SNTG1: variants seen among roughly 807,000 people sequenced by gnomAD.
SNTG1 encodes syntrophin gamma 1, also known as gamma-1-syntrophin.
SNTG1 carries 39 observed loss-of-function variants against 74.7 expected under a neutral mutation model. The observed-to-expected ratio is 0.52, with a 90% CI of 0.40 to 0.68. SNTG1 has a LOEUF of 0.68. Among genes scored for constraint, SNTG1 ranks in the 30% least tolerant of loss-of-function variants. The pLI is 0.00. For synonymous variants in SNTG1, 254 were observed against 217.1 expected (o/e 1.17, Z -1.49); for missense variants, 685 against 609.5 (o/e 1.12, Z -1.30).
intron 5 of SNTG1, among the ~76,000 whole-genome samples, chr8:50,439,595 A>G (rs1459851437): frequency 6.6e-6 from 1 of 152,088 alleles, no homozygotes; most frequent in Non-Finnish European, 1.5e-5. Context: ...TCAGTTTATC[A>G]AAGTGAAACT....
intron 2 of SNTG1, among the ~76,000 whole-genome samples, chr8:50,243,470 T>A (rs1030904252): frequency 2.4e-4 from 36 of 152,172 alleles, no homozygotes; most frequent in African/African-American, 8.7e-4. Flanking sequence ...ATCTTAGAAA[T>A]AAAAACTCTC....
chr8:50,779,303 A>G (rs1395528344), intron 18 of SNTG1, among the ~76,000 whole-genome samples: 1 of 152,124 alleles, frequency 6.6e-6, no homozygotes, highest in East Asian at 1.9e-4. Context: ...CAGTATGGTC[A>G]TTTTCACGAT....
intron 1 of SNTG1, among the ~76,000 whole-genome samples, chr8:49,991,518 A>C (rs1813689019): frequency 6.6e-6 from 1 of 152,232 alleles, no homozygotes; most frequent in Non-Finnish European, 1.5e-5. Context: ...CCAGAGGGTG[A>C]AAATAACCTA....
chr8:50,611,338 C>T (rs749238494), intron 13 of SNTG1, among the ~76,000 whole-genome samples: 2 of 152,068 alleles, frequency 1.3e-5, no homozygotes, highest in Non-Finnish European at 1.5e-5. Context: ...GACATTTCTT[C>T]GTGAGCTGCA....
intron 1 of SNTG1, among the ~76,000 whole-genome samples, chr8:49,932,152 A>G (rs920224706): frequency 6.6e-6 from 1 of 152,172 alleles, no homozygotes; most frequent in African/African-American, 2.4e-5. Flanking sequence ...ACAGATCACT[A>G]AAACAGGTCA....
At position 50,515,773 on chromosome 8, in the gene SNTG1, G is replaced by A. The variant is rs555848656; in HGVS notation, c.466+12893G>A. Among the ~76,000 whole-genome samples, 5 of 152,078 alleles carry A rather than the reference G, an allele frequency of 3.3e-5. No homozygotes were observed. The South Asian group carries it at 1.0e-3, about 32-fold the overall frequency. ...TCTAGATTCCTCCTCTTTGAGCAGG[G>A]CATCTCTGAAAGAAAGGCAGCAGCC... On this transcript the variant is annotated intron_variant, in intron 9 of 18. Transcript: ENST00000642720.
intron 13 of SNTG1, among the ~76,000 whole-genome samples, chr8:50,612,642 C>T (rs759723984): frequency 4.6e-5 from 7 of 152,204 alleles, no homozygotes; most frequent in Non-Finnish European, 8.8e-5. Flanking sequence ...ATGCCTATGA[C>T]GTTAAAAAGT....
intron 2 of SNTG1, among the ~76,000 whole-genome samples, chr8:50,213,397 T>A (rs4873428): frequency 6.6e-6 from 1 of 152,010 alleles, no homozygotes; most frequent in Admixed American, 6.6e-5. Context: ...GTAGGCTATG[T>A]CATACCACAT....
chr8:50,541,529 A>G (rs6473213), intron 11 of SNTG1, among the ~76,000 whole-genome samples: 30,093 of 151,812 alleles, frequency 0.2, 3,986 homozygotes, highest in African/African-American at 0.37. Flanking sequence ...ATTTAATTCA[A>G]TTTTTGATGC....
Position 50,550,695 on chromosome 8 carries a change from A to G in SNTG1, c.681-2355A>G, listed in dbSNP as rs574066270. ...ATGTAATTTTTTTTAGTGTGTGTGT[A>G]TATATATATATATGACACATAATTT... is the stretch of plus-strand genomic sequence containing the variant. On this transcript the variant is annotated intron_variant, in intron 11 of 18. Coordinates refer to ENST00000642720, the MANE Select transcript of SNTG1 (RefSeq NM_018967.5). Among the ~76,000 whole-genome samples the G allele has an allele frequency of 4.4e-3, 647 of 147,712 alleles. 5 individuals carry two copies. The highest frequency in any genetic ancestry group is 0.015 in the African/African-American group (567 of 38,450).
intron 2 of SNTG1, among the ~76,000 whole-genome samples, chr8:50,284,520 G>A (rs563991020): frequency 1.3e-5 from 2 of 152,082 alleles, no homozygotes; most frequent in Non-Finnish European, 2.9e-5. Context: ...GTCAATGTGT[G>A]CTTTGGTTTT....
rs1337516011 is a variant in SNTG1 at position 50,512,292 on chromosome 8, G to C, written c.466+9412G>C. ...GTTTCCACCGAGAGATCAGCTGTTA[G>C]TCTAATGGACTTCCCTTTGTGGGTA... On this transcript the variant is annotated intron_variant, in intron 9 of 18. Transcript: ENST00000642720. Among the ~76,000 whole-genome samples, 11 of 152,078 alleles carry C rather than the reference G, an allele frequency of 7.2e-5. No individual in the cohort carries two copies. In the East Asian group the frequency reaches 2.1e-3, roughly 30 times the overall value.
intron 2 of SNTG1, among the ~76,000 whole-genome samples, chr8:50,225,361 A>T (rs973617143): frequency 6.6e-6 from 1 of 152,138 alleles, no homozygotes; most frequent in Non-Finnish European, 1.5e-5. Context: ...CCAGACACTT[A>T]TTTCGGTTGG....
intron 4 of SNTG1, among the ~76,000 whole-genome samples, chr8:50,416,831 G>T (rs1587542630): frequency 6.6e-6 from 1 of 150,564 alleles, no homozygotes; most frequent in Non-Finnish European, 1.5e-5. Flanking sequence ...TCTATGTCAT[G>T]GATCCCATTA....
intron 17 of SNTG1, among the ~76,000 whole-genome samples, chr8:50,712,725 A>T (rs1181758315): frequency 6.6e-6 from 1 of 151,196 alleles, no homozygotes; most frequent in East Asian, 2.0e-4. Flanking sequence ...TCATTGTTCA[A>T]CTCCCACTTA....
intron 2 of SNTG1, among the ~76,000 whole-genome samples, chr8:50,389,717 C>T (rs1343084363): frequency 6.6e-6 from 1 of 152,174 alleles, no homozygotes; most frequent in Non-Finnish European, 1.5e-5. Context: ...AAAAGTGTTC[C>T]TATTTCTCCA....
At chr8:50,536,527 T>C (rs1190834165) in intron 10 of SNTG1, 151 bp from the exon 11 acceptor site, 2 of 833,926 alleles carry the variant, frequency 2.4e-6, no homozygotes, top group East Asian at 2.5e-5. Flanking sequence ...AACTTTAGTG[T>C]CCATAATTTG....
In SNTG1 at chr8:50,247,681, G is replaced by GTT. The variant is rs56854485; in HGVS notation, c.-28+75056_-28+75057dup. 1.2e-3 allele frequency among the ~76,000 whole-genome samples: 171 copies of GTT among 148,312 alleles called. 1 individual carries two copies. Among genetic ancestry groups the GTT allele is most frequent in the East Asian group, 3.6e-3 (18 of 5,006 alleles). ...CCACCAGTCCCAGCTAAAGTTTTTAGTTTTTTTTTTTAATTTTTATTTTGT... is the reference window on the plus strand; with the variant it reads ...CCACCAGTCCCAGCTAAAGTTTTTAGTTTTTTTTTTTTTAATTTTTATTTTGT... On this transcript the variant is annotated intron_variant, in intron 2 of 18. Coordinates refer to ENST00000642720, the MANE Select transcript of SNTG1 (RefSeq NM_018967.5).
chr8:50,438,240 A>C (rs1407390674), intron 4 of SNTG1, among the ~76,000 whole-genome samples: 2 of 152,324 alleles, frequency 1.3e-5, no homozygotes, highest in South Asian at 2.1e-4. Flanking sequence ...TGTGGAAATA[A>C]GAAGAGGTAT....
Sources: gnomAD v4.1 joint callset for allele counts (sites outside exome capture counted in the v4.1 genomes callset) on GRCh38, gnomAD v4.1.1 for gene constraint, MANE v1.5 for transcripts, NCBI Gene and HGNC (gene_info 2026-07-23, HGNC 2026-07-21) for gene names.